CA10: variants seen among roughly 807,000 people sequenced by gnomAD.
CA10 encodes the protein carbonic anhydrase 10 (inactive).
In CA10, 14 loss-of-function variants were observed where a neutral mutation model predicts 44.2. The ratio of observed to expected loss-of-function variants is 0.32; its 90% CI spans 0.21 to 0.50. The LOEUF is 0.50. Ranked by LOEUF, CA10 falls within the 20% of genes least tolerant of loss-of-function variation. The pLI, the probability that CA10 is intolerant of heterozygous loss-of-function variation, is 0.99. For synonymous variants in CA10, 159 were observed against 141.6 expected, an observed-to-expected ratio of 1.12 and a Z score of -0.87; for missense variants, 350 against 409.7, an observed-to-expected ratio of 0.85 and a Z score of 1.26.
At chr17:52,066,577 C>T (rs1156623675) in intron 2 of CA10, among the ~76,000 whole-genome samples, 4 of 152,142 alleles carry the variant, frequency 2.6e-5, no homozygotes, top group South Asian at 4.1e-4. Flanking sequence ...CCATGTAAGA[C>T]ATGACTTTGC....
In CA10 at chr17:51,673,074, C is replaced by T. The variant is rs117939342; in HGVS notation, c.466-19338G>A. Among the ~76,000 whole-genome samples the T allele has an allele frequency of 6.2e-4, 94 of 152,348 alleles. 1 individual carries two copies. The East Asian group carries it at 0.018, about 29-fold the overall frequency. ...TTGAACAGTCTTGTGGCCTTAATGC[C>T]TATCACATTGGATGGTTTCAGGAAA... On this transcript the variant is annotated intron_variant, in intron 4 of 8. Coordinates refer to ENST00000451037, the MANE Select transcript of CA10 (RefSeq NM_020178.5).
At chr17:51,929,654 C>A (rs1366723245) in intron 3 of CA10, among the ~76,000 whole-genome samples, 1 of 151,506 alleles carries the variant, frequency 6.6e-6, no homozygotes, top group Non-Finnish European at 1.5e-5. Flanking sequence ...ACTTTTCCTT[C>A]TTAAATACTG....
chr17:52,071,480 A>G (rs554708393), intron 2 of CA10, among the ~76,000 whole-genome samples: 36 of 152,286 alleles, frequency 2.4e-4, no homozygotes, highest in Admixed American at 2.3e-3. Flanking sequence ...GCCAAGAATG[A>G]ATGAGGTGAC....
chr17:51,841,555 T>C (rs1294174991), intron 3 of CA10, among the ~76,000 whole-genome samples: 1 of 152,184 alleles, frequency 6.6e-6, no homozygotes, highest in Non-Finnish European at 1.5e-5. Flanking sequence ...TAGCAGGATG[T>C]ATGTACAAGG....
chr17:51,898,552 G>A (rs1981173182), intron 3 of CA10, among the ~76,000 whole-genome samples: 1 of 152,002 alleles, frequency 6.6e-6, no homozygotes, highest in South Asian at 2.1e-4. Context: ...TGGTCAGAAT[G>A]ATGCTTGCCT....
rs73989415 is a variant in CA10, at chr17:51,846,773, G to A, written c.279+84217C>T. Reference sequence around the variant, plus strand: ...CTAATGCTGTCGCGCTTGCTCTACCGCTGTGGGCTGATTTGTGTCTGTGCT... The same window carrying A: ...CTAATGCTGTCGCGCTTGCTCTACCACTGTGGGCTGATTTGTGTCTGTGCT... On this transcript the variant is annotated intron_variant, in intron 3 of 8. Transcript: ENST00000451037. Among the ~76,000 whole-genome samples, 8 of 152,292 alleles carry A rather than the reference G, an allele frequency of 5.3e-5. No individual in the cohort carries two copies. The South Asian group carries it at 8.3e-4, about 16-fold the overall frequency.
At chr17:51,983,788 T>A (rs1984734121) in intron 2 of CA10, among the ~76,000 whole-genome samples, 1 of 151,744 alleles carries the variant, frequency 6.6e-6, no homozygotes, top group Non-Finnish European at 1.5e-5. Flanking sequence ...ACTTTGTTAG[T>A]CCCTCACACT....
intron 5 of CA10, among the ~76,000 whole-genome samples, chr17:51,651,767 T>G (rs1309203409): frequency 6.6e-6 from 1 of 152,084 alleles, no homozygotes; most frequent in African/African-American, 2.4e-5. Flanking sequence ...TTCAGACACA[T>G]GAGGTAAAGT....
At chr17:51,763,203 A>T (rs932138901) in intron 3 of CA10, 3 of 152,244 alleles carry the variant, frequency 2.0e-5, no homozygotes, top group African/African-American at 7.2e-5. Context: ...ATTCCATTTC[A>T]TGGCTTCAAA....
At chr17:51,765,737 A>ATGTGTG (rs1555597234) in intron 3 of CA10, among the ~76,000 whole-genome samples, 17 of 94,574 alleles carry the variant, frequency 1.8e-4, no homozygotes, top group East Asian at 1.7e-3. Context: ...GTGTGTGTGC[A>ATGTGTG]TGCATGTGTT....
At chr17:51,727,870 A>G (rs982741141) in intron 4 of CA10, among the ~76,000 whole-genome samples, 1 of 152,016 alleles carries the variant, frequency 6.6e-6, no homozygotes, top group African/African-American at 2.4e-5. Context: ...CTTTTGCAGA[A>G]CTTTTTTTTT....
At chr17:52,116,326 T>A (rs1988895425) in intron 1 of CA10, among the ~76,000 whole-genome samples, 1 of 152,164 alleles carries the variant, frequency 6.6e-6, no homozygotes, top group Admixed American at 6.5e-5. Context: ...GGAGGGGAAC[T>A]TGGTTCCACA....
chr17:52,104,765 C>T (rs909844775), intron 1 of CA10, among the ~76,000 whole-genome samples: 8 of 152,184 alleles, frequency 5.3e-5, no homozygotes, highest in African/African-American at 1.9e-4. Context: ...GCACTGACTC[C>T]TTGAATTGTG....
intron 3 of CA10, among the ~76,000 whole-genome samples, chr17:51,851,933 T>C (rs1978814036): frequency 6.6e-6 from 1 of 152,236 alleles, no homozygotes; most frequent in Admixed American, 6.5e-5. Context: ...CCATCTTAAA[T>C]CCTCATATTT....
intron 1 of CA10, among the ~76,000 whole-genome samples, chr17:52,130,484 A>G (rs1276120491): frequency 1.3e-5 from 2 of 152,206 alleles, no homozygotes; most frequent in Admixed American, 6.5e-5. Context: ...AATAGAAGGA[A>G]ACTCTGTCAT....
chr17:52,058,637 G>T (rs1436951809), intron 2 of CA10, among the ~76,000 whole-genome samples: 1 of 152,170 alleles, frequency 6.6e-6, no homozygotes, highest in Non-Finnish European at 1.5e-5. Flanking sequence ...TAGCAGTTCA[G>T]ATTTCACTAT....
At chr17:51,960,108 A>G (rs982872874) in intron 2 of CA10, among the ~76,000 whole-genome samples, 2 of 152,066 alleles carry the variant, frequency 1.3e-5, no homozygotes, top group East Asian at 3.9e-4. Context: ...TAAATATTTT[A>G]AAAATAAAAA....
intron 3 of CA10, among the ~76,000 whole-genome samples, chr17:51,804,020 TC>T (rs1405817559): frequency 6.6e-6 from 1 of 152,156 alleles, no homozygotes; most frequent in East Asian, 1.9e-4. Context: ...AACCTCTCTA[TC>T]CCCCAGTTTC....
intron 4 of CA10, among the ~76,000 whole-genome samples, chr17:51,662,871 T>C (rs1468591600): frequency 6.6e-6 from 1 of 152,214 alleles, no homozygotes; most frequent in East Asian, 1.9e-4. Flanking sequence ...CCCCAAAAGA[T>C]AACACAACTT....
Sources: gnomAD v4.1 joint callset for allele counts (sites outside exome capture counted in the v4.1 genomes callset) on GRCh38, gnomAD v4.1.1 for gene constraint, MANE v1.5 for transcripts, NCBI Gene and HGNC (gene_info 2026-07-23, HGNC 2026-07-21) for gene names.